SCAPER: variants seen among roughly 807,000 people sequenced by gnomAD.
SCAPER encodes the protein S-phase cyclin A associated protein in the ER, also known as S phase cyclin A-associated protein in the endoplasmic reticulum.
A neutral mutation model predicts 182.2 loss-of-function variants in SCAPER; 98 were observed. The ratio of observed to expected loss-of-function variants is 0.54; its 90% confidence interval spans 0.46 to 0.64. SCAPER has a LOEUF of 0.64. SCAPER is among the 30% of genes least tolerant of loss of function. The probability of loss-of-function intolerance (pLI) is 0.00; values close to 1 mark genes in which losing one functional copy is unlikely to be tolerated. For synonymous variants in SCAPER, 605 were observed against 564.6 expected (o/e 1.07, Z -1.01); for missense variants, 1,432 against 1,690.0 (o/e 0.85, Z 2.68).
chr15:76,891,534 G>A (rs966065264), intron 1 of SCAPER, among the ~76,000 whole-genome samples: 2 of 152,114 alleles, frequency 1.3e-5, no homozygotes, highest in Non-Finnish European at 2.9e-5. Context: ...CAGACAGAGA[G>A]CCCAATCATG....
intron 24 of SCAPER, among the ~76,000 whole-genome samples, chr15:76,477,135 CAT>C (rs1217963548): frequency 1.3e-5 from 2 of 152,150 alleles, no homozygotes; most frequent in Non-Finnish European, 1.5e-5. Context: ...CACTGGGCAC[CAT>C]ATGAGACAGA....
At chr15:76,845,237 A>G (rs1172933809) in intron 4 of SCAPER, among the ~76,000 whole-genome samples, 3 of 152,126 alleles carry the variant, frequency 2.0e-5, no homozygotes, top group Non-Finnish European at 4.4e-5. Flanking sequence ...AATAAAAGAC[A>G]TATGTGACAG....
rs537181676 is a variant in SCAPER at position 76,543,260 on chromosome 15, A to T, written c.2838+30898T>A. Reference sequence around the variant, plus strand: ...TTAAGCATTTTATATCCTAATATGTATGCTTATTACTTACATATGCATTTT... The same window carrying T: ...TTAAGCATTTTATATCCTAATATGTTTGCTTATTACTTACATATGCATTTT... On this transcript the variant is annotated intron_variant, in intron 23 of 31. Transcript: ENST00000563290. Among the ~76,000 whole-genome samples the T allele has an allele frequency of 2.6e-3, 403 of 152,320 alleles. 1 individual carries two copies. Among genetic ancestry groups the T allele is most frequent in the Non-Finnish European group, 3.1e-3 (209 of 68,028 alleles).
intron 6 of SCAPER, among the ~76,000 whole-genome samples, chr15:76,800,656 G>A (rs1598805133): frequency 6.6e-6 from 1 of 152,126 alleles, no homozygotes. Flanking sequence ...TATGAGATAC[G>A]CTACTTACGA....
At chr15:76,829,766 T>C (rs1343736865) in intron 5 of SCAPER, among the ~76,000 whole-genome samples, 1 of 152,172 alleles carries the variant, frequency 6.6e-6, no homozygotes, top group African/African-American at 2.4e-5. Context: ...TGAAGTCTCA[T>C]GGCTTCACAC....
At chr15:76,901,723 AT>A (rs10715597) in intron 1 of SCAPER, among the ~76,000 whole-genome samples, 121,809 of 145,506 alleles carry the variant, frequency 0.84, 51,016 homozygotes, top group Middle Eastern at 0.91. Context: ...ATTTCTAATA[AT>A]TTTTTTTTTT....
chr15:76,755,427 A>G (rs192114863), intron 14 of SCAPER, among the ~76,000 whole-genome samples: 1 of 152,324 alleles, frequency 6.6e-6, no homozygotes, highest in East Asian at 1.9e-4. Flanking sequence ...TTTCTCCCAA[A>G]TTTAAATCAC....
chr15:76,844,514 T>C (rs992404788), intron 4 of SCAPER, among the ~76,000 whole-genome samples: 1 of 151,882 alleles, frequency 6.6e-6, no homozygotes, highest in African/African-American at 2.4e-5. Flanking sequence ...TAAATAAAAT[T>C]AGAGATGAAA....
intron 22 of SCAPER, among the ~76,000 whole-genome samples, chr15:76,595,649 G>A (rs1296123237): frequency 8.2e-6 from 1 of 122,012 alleles, no homozygotes; most frequent in African/African-American, 2.5e-5. Context: ...TAGAACTCAG[G>A]ATTAAGAAAC....
Position 76,765,351 on chromosome 15 carries a change from T to C in SCAPER, c.1599A>G (p.Ser533=). Residue 533 remains serine (S), a synonymous_variant, in exon 13 of 32, where the codon TCA becomes TCG. Coordinates refer to ENST00000563290, the MANE Select transcript of SCAPER (RefSeq NM_020843.4). ...AAATGCCAGACCTTTTACGAGAGGG[T>C]GAAGAAAGTTTTTCATGCATGTGAA... ...HGIHMHEKLS[S]PSRKRTIAES... 6.2e-7 allele frequency: 1 copy of C among 1,612,464 alleles called. No homozygotes were observed. The highest frequency in any genetic ancestry group is 8.5e-7 in the Non-Finnish European group (1 of 1,179,058).
At chr15:76,668,732 A>C (rs904939766) in intron 20 of SCAPER, among the ~76,000 whole-genome samples, 7 of 152,172 alleles carry the variant, frequency 4.6e-5, no homozygotes, top group African/African-American at 1.4e-4. Flanking sequence ...CCCAAGGGCA[A>C]TGACTTTGTC....
chr15:76,722,217 G>T (rs544898373), intron 17 of SCAPER, among the ~76,000 whole-genome samples: 1 of 152,266 alleles, frequency 6.6e-6, no homozygotes, highest in Admixed American at 6.5e-5. Context: ...CTGTTTATAT[G>T]CTGGATTACG....
At chr15:76,773,761 C>T (rs929338293) in intron 9 of SCAPER, among the ~76,000 whole-genome samples, 11 of 151,644 alleles carry the variant, frequency 7.3e-5, no homozygotes, top group Admixed American at 4.6e-4. Flanking sequence ...TGAAAAAATC[C>T]TACAGGTAAA....
rs1207167592 is a variant in SCAPER at position 76,354,782 on chromosome 15, A to C, written c.3856-642T>G. Reference sequence around the variant, plus strand: ...ATAAATGAGACTGTTGTCTTGAAGCAGTCTTAAGTTTACAACTGTGTACAT... The same window carrying C: ...ATAAATGAGACTGTTGTCTTGAAGCCGTCTTAAGTTTACAACTGTGTACAT... On this transcript the variant is annotated intron_variant, in intron 29 of 31. Transcript: ENST00000563290. This position sits in a 1 kb window ranked among gnomAD's most constrained non-coding sequence, Gnocchi z 4.4. 1.3e-5 allele frequency: 2 copies of C among 152,298 alleles called. No individual in the cohort carries two copies. The highest frequency in any genetic ancestry group is 2.4e-5 in the African/African-American group (1 of 41,474). The allele number at this position is 152,298 out of a possible 1,614,324, so 9.4% of individuals were successfully genotyped here.
rs963863513 is a variant in SCAPER, at chr15:76,829,390, T to C, written c.393+12344A>G. Among the ~76,000 whole-genome samples the C allele has an allele frequency of 4.6e-5, 7 of 152,140 alleles. No homozygotes were observed. The South Asian group carries it at 1.5e-3, about 32-fold the overall frequency. On this transcript the variant is annotated intron_variant, in intron 5 of 31. Transcript: ENST00000563290. ...ATTCAGAAAACTAGTATTTGGAGAATCTAAATATTAATTTCAAAAATATAA... is the reference window on the plus strand; with the variant it reads ...ATTCAGAAAACTAGTATTTGGAGAACCTAAATATTAATTTCAAAAATATAA...
intron 25 of SCAPER, among the ~76,000 whole-genome samples, chr15:76,458,409 C>A (rs2048907762): frequency 6.6e-6 from 1 of 150,648 alleles, no homozygotes; most frequent in Non-Finnish European, 1.5e-5. Flanking sequence ...TACAAACATA[C>A]ACACACACAC....
intron 29 of SCAPER, among the ~76,000 whole-genome samples, chr15:76,368,168 C>T (rs777935438): frequency 9.9e-5 from 15 of 152,200 alleles, no homozygotes; most frequent in African/African-American, 1.4e-4. Flanking sequence ...AGCCCACCAC[C>T]GCAGCCTCCA....
chr15:76,486,595 T>C (rs1468896513), intron 24 of SCAPER, among the ~76,000 whole-genome samples: 2 of 152,148 alleles, frequency 1.3e-5, no homozygotes, highest in Non-Finnish European at 2.9e-5. Flanking sequence ...CCAACAATCA[T>C]ATGAAAGAAA....
intron 23 of SCAPER, among the ~76,000 whole-genome samples, chr15:76,560,062 A>T (rs1054571805): frequency 1.2e-4 from 17 of 146,032 alleles, no homozygotes; most frequent in South Asian, 4.3e-4. Context: ...ACTGAGTTTT[A>T]TTTTTTTTTT....
Sources: gnomAD v4.1 joint callset for allele counts (sites outside exome capture counted in the v4.1 genomes callset) on GRCh38, gnomAD v4.1.1 for gene constraint, Gnocchi (gnomAD v3.1) non-coding constraint, MANE v1.5 for transcripts, NCBI Gene and HGNC (gene_info 2026-07-23, HGNC 2026-07-21) for gene names.